BRIP1: variants seen among roughly 807,000 people sequenced by gnomAD.
BRIP1 encodes BRCA1 interacting DNA helicase 1, also known as Fanconi anemia group J protein.
BRIP1 carries 88 observed loss-of-function variants against 119.7 expected under a neutral mutation model. The observed-to-expected ratio is 0.74, with a 90% CI of 0.62 to 0.88. BRIP1 has a LOEUF of 0.88. Among genes scored for constraint, BRIP1 ranks in the 40% least tolerant of loss-of-function variants. The pLI, the probability that BRIP1 is intolerant of heterozygous loss-of-function variation, is 0.00. For missense variants in BRIP1, 1,259 were observed against 1,455.4 expected, an observed-to-expected ratio of 0.87 and a Z score of 2.20; for synonymous variants, 443 against 496.5, an observed-to-expected ratio of 0.89 and a Z score of 1.43.
chr17:61,733,819 C>A (rs1223824428), intron 16 of BRIP1, among the ~76,000 whole-genome samples: 3 of 151,262 alleles, frequency 2.0e-5, no homozygotes, highest in African/African-American at 7.3e-5. Context: ...CCAAAAAAAC[C>A]CACAAATATA....
In BRIP1 at chr17:61,679,395, C is replaced by T. The variant is rs544854431; in HGVS notation, c.*3901G>A. On this transcript the variant is annotated 3_prime_UTR_variant, in exon 20 of 20. Transcript: ENST00000259008. This position sits in a 1 kb window ranked among gnomAD's most constrained non-coding sequence, Gnocchi z 4.4. ...CAAGTCATGAAACATCTACTCTTTA[C>T]ATTGTACCTTTATTCCAAGAATAAA... 1.3e-5 allele frequency among the ~76,000 whole-genome samples: 2 copies of T among 152,258 alleles called. No individual in the cohort carries two copies. Among genetic ancestry groups the T allele is most frequent in the African/African-American group, 4.8e-5 (2 of 41,544 alleles).
At chr17:61,859,646 T>C in intron 3 of BRIP1, 150 bp downstream of exon 3, 1 of 655,472 alleles carries the variant, frequency 1.5e-6, no homozygotes, top group South Asian at 1.7e-5. Context: ...TGAAACTCTT[T>C]TGGAAGATTT....
chr17:61,788,148 AATT>A (rs1225741779), intron 10 of BRIP1, among the ~76,000 whole-genome samples: 1 of 152,198 alleles, frequency 6.6e-6, no homozygotes, highest in African/African-American at 2.4e-5. Context: ...TTAATAAGAC[AATT>A]ATAAGATAAA....
intron 6 of BRIP1, among the ~76,000 whole-genome samples, chr17:61,818,242 T>C (rs1316858274): frequency 6.6e-6 from 1 of 151,828 alleles, no homozygotes; most frequent in Admixed American, 6.6e-5. Context: ...TTTCTATAGA[T>C]GTAAGAATTT....
In BRIP1 at chr17:61,798,232, C is replaced by CT. The variant is rs777310246; in HGVS notation, c.1340+867dup. On this transcript the variant is annotated intron_variant, in intron 9 of 19. Coordinates refer to ENST00000259008, the MANE Select transcript of BRIP1 (RefSeq NM_032043.3). The surrounding 1 kb of genome is among the most constrained non-coding windows in gnomAD (Gnocchi z 5.5). ...TTTTTTTTTAAACTGAGAAAGCTTT[C>CT]TAGGTCTTAACATGGAAAGGTCTCC... 9.8e-4 allele frequency among the ~76,000 whole-genome samples: 149 copies of CT among 151,734 alleles called. No individual in the cohort carries two copies. Among genetic ancestry groups the CT allele is most frequent in the Non-Finnish European group, 1.5e-3 (104 of 67,848 alleles).
At position 61,844,898 on chromosome 17, in the gene BRIP1, T is replaced by C. The variant is rs1443848798; in HGVS notation, c.627+2203A>G. ...CTCATCTGTACGATGGGAATACCAATATACCTGCTTCATAATCATTGTAAG... is the reference window on the plus strand; with the variant it reads ...CTCATCTGTACGATGGGAATACCAACATACCTGCTTCATAATCATTGTAAG... On this transcript the variant is annotated intron_variant, in intron 6 of 19. Transcript: ENST00000259008. This position sits in a 1 kb window ranked among gnomAD's most constrained non-coding sequence, Gnocchi z 4.7. Among the ~76,000 whole-genome samples the C allele has an allele frequency of 6.6e-6, 1 of 152,242 alleles. No individual in the cohort carries two copies. The highest frequency in any genetic ancestry group is 2.4e-5 in the African/African-American group (1 of 41,470).
Position 61,729,610 on chromosome 17 carries a change from T to G in BRIP1, c.2379+13403A>C, listed in dbSNP as rs1438596531. ...AGAAGTGGGGTGCAGGCCAAAAGAC[T>G]GTTATAAGAAAAAGCTATCTACTGT... is the stretch of plus-strand genomic sequence containing the variant. On this transcript the variant is annotated intron_variant, in intron 16 of 19. Transcript: ENST00000259008. The surrounding 1 kb of genome is among the most constrained non-coding windows in gnomAD (Gnocchi z 5.6). Among the ~76,000 whole-genome samples, 1 of 152,148 alleles carries G rather than the reference T, an allele frequency of 6.6e-6. No individual in the cohort carries two copies. The highest frequency in any genetic ancestry group is 1.5e-5 in the Non-Finnish European group (1 of 68,024).
chr17:61,860,241 G>C lies in BRIP1; in HGVS notation c.94-334C>G, dbSNP rs182709948. On this transcript the variant is annotated intron_variant, in intron 2 of 19. Transcript: ENST00000259008. This position sits in a 1 kb window ranked among gnomAD's most constrained non-coding sequence, Gnocchi z 4.1. The stretch of plus-strand genomic sequence containing the variant: ...ACTTAATGAAGGATACTGCTAGTGA[G>C]AGTACAAATTGTTACAACTACTTGG... Among the ~76,000 whole-genome samples, 63 of 152,364 alleles carry C rather than the reference G, an allele frequency of 4.1e-4. 1 individual carries two copies. Among genetic ancestry groups the C allele is most frequent in the Admixed American group, 4.0e-3 (61 of 15,306 alleles).
At chr17:61,749,308 A>G (rs1027867796) in intron 14 of BRIP1, among the ~76,000 whole-genome samples, 9 of 151,894 alleles carry the variant, frequency 5.9e-5, no homozygotes, top group Admixed American at 1.3e-4. Context: ...AAGTAAAGGG[A>G]AAAAAAAGAG....
At chr17:61,779,237 A>G (rs1333147614) in intron 13 of BRIP1, among the ~76,000 whole-genome samples, 1 of 152,150 alleles carries the variant, frequency 6.6e-6, no homozygotes, top group Non-Finnish European at 1.5e-5. Context: ...TGGATGTAAA[A>G]GGAAGAATCA....
rs1364778690 is a variant in BRIP1, at chr17:61,758,217, C to T, written c.2098-13626G>A. ...CTGTTGACTGAGTTAATAATGTTGG[C>T]TAAAATCTGAATGTATAAACTTATT... On this transcript the variant is annotated intron_variant, in intron 14 of 19. Transcript: ENST00000259008. This position sits in a 1 kb window ranked among gnomAD's most constrained non-coding sequence, Gnocchi z 5.3. Among the ~76,000 whole-genome samples the T allele has an allele frequency of 6.6e-6, 1 of 152,090 alleles. No individual in the cohort carries two copies. Among genetic ancestry groups the T allele is most frequent in the African/African-American group, 2.4e-5 (1 of 41,400 alleles).
chr17:61,740,322 A>G lies in BRIP1; in HGVS notation c.2379+2691T>C, dbSNP rs1466804687. On this transcript the variant is annotated intron_variant, in intron 16 of 19. Transcript: ENST00000259008. This position sits in a 1 kb window ranked among gnomAD's most constrained non-coding sequence, Gnocchi z 5.4. Reference sequence around the variant, plus strand: ...GTGGTTAAAAGACTGATAAAACACAAATTGCTGGGCTTCACTTCCACAGTT... The same window carrying G: ...GTGGTTAAAAGACTGATAAAACACAGATTGCTGGGCTTCACTTCCACAGTT... 2.6e-5 allele frequency among the ~76,000 whole-genome samples: 4 copies of G among 152,020 alleles called. No individual in the cohort carries two copies. The highest frequency in any genetic ancestry group is 1.5e-5 in the Non-Finnish European group (1 of 68,004).
At position 61,840,723 on chromosome 17, in the gene BRIP1, T is replaced by C. The variant is rs1240440108; in HGVS notation, c.627+6378A>G. Among the ~76,000 whole-genome samples, 4 of 152,098 alleles carry C rather than the reference T, an allele frequency of 2.6e-5. No homozygotes were observed. The East Asian group carries it at 5.8e-4, about 22-fold the overall frequency. The stretch of plus-strand genomic sequence containing the variant: ...ATACCAATAACATTCTTTACAGGAA[T>C]AGAAAGAACAATCCTAAGATTCATA... On this transcript the variant is annotated intron_variant, in intron 6 of 19. Coordinates refer to ENST00000259008, the MANE Select transcript of BRIP1 (RefSeq NM_032043.3).
chr17:61,788,822 G>A (rs182651273), intron 10 of BRIP1, among the ~76,000 whole-genome samples: 33 of 152,162 alleles, frequency 2.2e-4, no homozygotes, highest in Admixed American at 2.2e-3. Context: ...GCCAGGCACG[G>A]GTGGCTCATG....
chr17:61,786,069 A>T (rs1443500489), intron 10 of BRIP1, among the ~76,000 whole-genome samples: 1 of 152,184 alleles, frequency 6.6e-6, no homozygotes, highest in Non-Finnish European at 1.5e-5. Flanking sequence ...CTATAATAAT[A>T]CATACACGTG....
At position 61,856,986 on chromosome 17, in the gene BRIP1, T is replaced by G. The variant is rs1026807593; in HGVS notation, c.379+72A>C. On this transcript the variant is annotated intron_variant, in intron 4 of 19. Coordinates refer to ENST00000259008, the MANE Select transcript of BRIP1 (RefSeq NM_032043.3). The surrounding 1 kb of genome is among the most constrained non-coding windows in gnomAD (Gnocchi z 5.1). ...GTTATGCTAACCAAACTTATATAAA[T>G]TAGGGCTTATAACAGTAATAATTAA... 2 of 1,429,876 alleles carry G rather than the reference T, an allele frequency of 1.4e-6. No homozygotes were observed. The highest frequency in any genetic ancestry group is 2.0e-6 in the Non-Finnish European group (2 of 1,013,196). 88.6% of individuals were successfully genotyped at this position (1,429,876 alleles called of 1,614,324 possible). A position where few individuals can be genotyped will look rare whatever the true frequency, so the allele number is the denominator to read the frequency against.
intron 17 of BRIP1, among the ~76,000 whole-genome samples, chr17:61,712,735 C>A (rs926887716): frequency 1.3e-5 from 2 of 151,948 alleles, no homozygotes; most frequent in Non-Finnish European, 1.5e-5. Flanking sequence ...GAAACCCCAT[C>A]TCTACTAAGA....
rs1389529289 is a variant in BRIP1 at position 61,761,768 on chromosome 17, C to A, written c.2097+14633G>T. 6.6e-6 allele frequency among the ~76,000 whole-genome samples: 1 copy of A among 151,822 alleles called. No individual in the cohort carries two copies. The highest frequency in any genetic ancestry group is 2.4e-5 in the African/African-American group (1 of 41,380). On this transcript the variant is annotated intron_variant, in intron 14 of 19. Coordinates refer to ENST00000259008, the MANE Select transcript of BRIP1 (RefSeq NM_032043.3). This position sits in a 1 kb window ranked among gnomAD's most constrained non-coding sequence, Gnocchi z 6.4. Reference sequence around the variant, plus strand: ...TTGATGAGAGAAATTGTAGAAGATACAAGTAAATAGCATGATATTCTTTGC... The same window carrying A: ...TTGATGAGAGAAATTGTAGAAGATAAAAGTAAATAGCATGATATTCTTTGC...
chr17:61,699,328 G>A lies in BRIP1; in HGVS notation c.2493-5816C>T, dbSNP rs1047890003. Among the ~76,000 whole-genome samples the A allele has an allele frequency of 3.9e-5, 6 of 152,024 alleles. No homozygotes were observed. Among genetic ancestry groups the A allele is most frequent in the African/African-American group, 1.4e-4 (6 of 41,404 alleles). ...TTGTAAAATACTCACTTTGCTATTTGCTTTCTATATGCCTTACGTATTTTG... is the reference window on the plus strand; with the variant it reads ...TTGTAAAATACTCACTTTGCTATTTACTTTCTATATGCCTTACGTATTTTG... On this transcript the variant is annotated intron_variant, in intron 17 of 19. Transcript: ENST00000259008. This position sits in a 1 kb window ranked among gnomAD's most constrained non-coding sequence, Gnocchi z 4.8.
Sources: gnomAD v4.1 joint callset for allele counts (sites outside exome capture counted in the v4.1 genomes callset) on GRCh38, gnomAD v4.1.1 for gene constraint, Gnocchi (gnomAD v3.1) non-coding constraint, MANE v1.5 for transcripts, NCBI Gene and HGNC (gene_info 2026-07-23, HGNC 2026-07-21) for gene names.